The following FGF14 variants were observed in gnomAD, a reference collection of about 807,000 sequenced individuals.
FGF14 encodes the protein fibroblast growth factor homologous factor 4.
In FGF14, 5 loss-of-function variants were observed where a neutral mutation model predicts 25.5. The observed-to-expected ratio is 0.20, with a 90% CI of 0.10 to 0.41. The LOEUF (loss-of-function observed/expected upper bound fraction) is 0.41. Among genes scored for constraint, FGF14 ranks in the 10% least tolerant of loss-of-function variants. FGF14 has a pLI of 1.00. For synonymous variants in FGF14, 138 were observed against 118.3 expected (o/e 1.17, Z -1.08); for missense variants, 222 against 320.1 (o/e 0.69, Z 2.34).
chr13:101,953,874 G>A (rs1193001689), intron 1 of FGF14, among the ~76,000 whole-genome samples: 2 of 152,080 alleles, frequency 1.3e-5, no homozygotes, highest in Non-Finnish European at 2.9e-5. Context: ...ACAGGAGTGA[G>A]TCACCGTGCC....
At chr13:102,118,505 G>A (rs1170653023) in intron 1 of FGF14, among the ~76,000 whole-genome samples, 4 of 151,974 alleles carry the variant, frequency 2.6e-5, no homozygotes, top group African/African-American at 9.7e-5. Context: ...ATAAATGGTG[G>A]TCCATCTATG....
upstream of FGF14, among the ~76,000 whole-genome samples, chr13:101,918,894 A>C (rs577772541): frequency 6.6e-6 from 1 of 152,346 alleles, no homozygotes; most frequent in South Asian, 2.1e-4. Flanking sequence ...AAATTCTACA[A>C]TTATTAAAAG....
chr13:102,213,438 C>T (rs1189136466), intron 1 of FGF14, among the ~76,000 whole-genome samples: 1 of 152,104 alleles, frequency 6.6e-6, no homozygotes, highest in African/African-American at 2.4e-5. Context: ...CAAAGTATCA[C>T]TAAATGGTAG....
chr13:101,745,062 T>G (rs9585766), intron 3 of FGF14, among the ~76,000 whole-genome samples: 91 of 152,192 alleles, frequency 6.0e-4, no homozygotes, highest in African/African-American at 2.2e-3. Flanking sequence ...TTCATTTTAT[T>G]TGGGAGAAAA....
chr13:101,774,105 T>A (rs185704048), intron 3 of FGF14, among the ~76,000 whole-genome samples: 183 of 152,234 alleles, frequency 1.2e-3, no homozygotes, highest in Middle Eastern at 0.01. Context: ...CAATTGCTAC[T>A]GTCATTGAGA....
intron 3 of FGF14, among the ~76,000 whole-genome samples, chr13:101,738,827 T>C (rs1399386003): frequency 1.3e-5 from 2 of 151,456 alleles, no homozygotes; most frequent in Non-Finnish European, 2.9e-5. Context: ...GTGGGAAGAA[T>C]CATAATATTT....
At chr13:102,047,452 G>T (rs1484355889) in intron 1 of FGF14, among the ~76,000 whole-genome samples, 3 of 152,116 alleles carry the variant, frequency 2.0e-5, no homozygotes, top group African/African-American at 4.8e-5. Context: ...ATGTTTTAAA[G>T]GATTAAGAAA....
chr13:102,151,793 C>T (rs1355963791), intron 1 of FGF14, among the ~76,000 whole-genome samples: 4 of 152,108 alleles, frequency 2.6e-5, no homozygotes, highest in Non-Finnish European at 5.9e-5. Flanking sequence ...CCACCATACC[C>T]GACCTCCATT....
chr13:102,189,285 T>C (rs1037478261), intron 1 of FGF14, among the ~76,000 whole-genome samples: 3 of 152,120 alleles, frequency 2.0e-5, no homozygotes, highest in Non-Finnish European at 4.4e-5. Flanking sequence ...AATTGGTAGA[T>C]AGTAAAGAAA....
intron 1 of FGF14, among the ~76,000 whole-genome samples, chr13:101,937,697 C>A (rs766281792): frequency 1.8e-4 from 27 of 152,122 alleles, no homozygotes; most frequent in African/African-American, 4.1e-4. Flanking sequence ...CGGATTCAAG[C>A]GATTTGATTC....
chr13:102,022,464 C>A (rs73565720), intron 1 of FGF14, among the ~76,000 whole-genome samples: 5,214 of 152,104 alleles, frequency 0.034, 297 homozygotes, highest in African/African-American at 0.12. Context: ...CATTATCAAC[C>A]TCCCTTTTTT....
At position 101,715,575 on chromosome 13, in the gene FGF14, G is replaced by T. The variant is rs1594010648; in HGVS notation, c.*7256C>A. On this transcript the variant is annotated 3_prime_UTR_variant, in exon 5 of 5. Coordinates refer to ENST00000376143, the MANE Select transcript of FGF14 (RefSeq NM_004115.4). Reference sequence around the variant, plus strand: ...TATTTTATTGCAGGGAATGGAATATGTAGCTGTGGAAACTGTGAATGCTGG... The same window carrying T: ...TATTTTATTGCAGGGAATGGAATATTTAGCTGTGGAAACTGTGAATGCTGG... 6.2e-7 allele frequency: 1 copy of T among 1,611,770 alleles called. No homozygotes were observed. The highest frequency in any genetic ancestry group is 1.3e-5 in the African/African-American group (1 of 74,856).
At chr13:102,169,486 T>A (rs977686474) in intron 1 of FGF14, among the ~76,000 whole-genome samples, 24 of 151,912 alleles carry the variant, frequency 1.6e-4, no homozygotes, top group Non-Finnish European at 4.4e-5. Context: ...TGAGAAGTGA[T>A]CAAAGGAGAG....
rs146267346 is a variant in FGF14, at chr13:102,388,566, T to G, written c.208+12905A>C. On this transcript the variant is annotated intron_variant, in intron 1 of 4. Transcript: ENST00000376131. ...CCAGGTTCCAAGAAAGCAATGCCCT[T>G]CCTGGCCCACAATTTCTCAACGTAT... 3.4e-3 allele frequency among the ~76,000 whole-genome samples: 524 copies of G among 152,314 alleles called. 2 individuals are homozygous for G. The highest frequency in any genetic ancestry group is 5.4e-3 in the Non-Finnish European group (370 of 68,008).
At chr13:102,142,513 CTTGAT>C in intron 1 of FGF14, among the ~76,000 whole-genome samples, 1 of 152,044 alleles carries the variant, frequency 6.6e-6, no homozygotes, top group Non-Finnish European at 1.5e-5. Flanking sequence ...TGATAACTTC[CTTGAT>C]TTGTTTTCAG....
In FGF14 at chr13:102,327,417, T is replaced by C. The variant is rs372281320; in HGVS notation, c.208+74054A>G. ...TATACAATGCAAGGGCAAGTATCCA[T>C]TGAATTACTAACAGATGCCTCCAAC... On this transcript the variant is annotated intron_variant, in intron 1 of 4. Coordinates refer to the FGF14 transcript ENST00000376131. 1.5e-3 allele frequency among the ~76,000 whole-genome samples: 229 copies of C among 152,364 alleles called. 1 individual carries two copies. Among genetic ancestry groups the C allele is most frequent in the African/African-American group, 5.1e-3 (213 of 41,584 alleles).
intron 1 of FGF14, among the ~76,000 whole-genome samples, chr13:101,894,604 A>T (rs2030334620): frequency 6.6e-6 from 1 of 152,216 alleles, no homozygotes; most frequent in Non-Finnish European, 1.5e-5. Context: ...TCTTTATAGC[A>T]TGTTATATTG....
At chr13:101,848,018 C>T (rs2043554453) in intron 3 of FGF14, among the ~76,000 whole-genome samples, 1 of 151,966 alleles carries the variant, frequency 6.6e-6, no homozygotes, top group African/African-American at 2.4e-5. Context: ...GCAGGGAACT[C>T]TCATCTTTAT....
intron 1 of FGF14, among the ~76,000 whole-genome samples, chr13:102,064,012 A>G (rs528360734): frequency 7.9e-5 from 12 of 152,338 alleles, no homozygotes. Flanking sequence ...TTTTTAAAGT[A>G]CACATTTAAA....
Sources: allele counts gnomAD v4.1 joint callset (sites outside exome capture counted in the v4.1 genomes callset), GRCh38; gene constraint gnomAD v4.1.1; transcripts MANE v1.5; gene names NCBI Gene and HGNC (gene_info 2026-07-23, HGNC 2026-07-21).